CIMIP5: variants seen among roughly 807,000 people sequenced by gnomAD.
CIMIP5 encodes the protein ciliary microtubule inner protein 5, also known as uncharacterized protein C2orf50.
chr2:11,153,582 A>G, the CIMIP5 span, among the ~76,000 whole-genome samples: 2 of 152,196 alleles, frequency 1.3e-5, no homozygotes, highest in East Asian at 3.9e-4. Flanking sequence ...ATGAAAGTAA[A>G]ACACCTGGCA....
the CIMIP5 span, among the ~76,000 whole-genome samples, chr2:11,136,855 C>T: frequency 4.6e-5 from 7 of 152,054 alleles, no homozygotes; most frequent in African/African-American, 1.2e-4. Context: ...TCAGAAGAGG[C>T]GAGGATGCAG....
chr2:11,142,713 ATTTT>A, the CIMIP5 span, among the ~76,000 whole-genome samples: 5 of 104,138 alleles, frequency 4.8e-5, no homozygotes, highest in African/African-American at 1.1e-4. Flanking sequence ...CACTTGTCAG[ATTTT>A]TTTTTTTTTT....
chr2:11,133,185 C>T, the CIMIP5 span: 2 of 927,758 alleles, frequency 2.2e-6, no homozygotes, highest in Non-Finnish European at 3.0e-6. Flanking sequence ...GAGCTCGAGG[C>T]CTAAAGGGAC....
At chr2:11,139,020 C>T in the CIMIP5 span, among the ~76,000 whole-genome samples, 7 of 152,206 alleles carry the variant, frequency 4.6e-5, no homozygotes, top group South Asian at 6.2e-4. Context: ...TGGGCTCAAG[C>T]GATTCTCCTG....
At chr2:11,153,854 G>A in the CIMIP5 span, among the ~76,000 whole-genome samples, 2 of 151,476 alleles carry the variant, frequency 1.3e-5, no homozygotes, top group African/African-American at 4.9e-5. Flanking sequence ...AACCCCGGAG[G>A]TGGAGGTCGC....
the CIMIP5 span, among the ~76,000 whole-genome samples, chr2:11,149,712 A>AAATT: frequency 0.3 from 45,450 of 150,654 alleles, 7,426 homozygotes; most frequent in East Asian, 0.47. Flanking sequence ...ATCTCAAAAA[A>AAATT]AATTAATTAA....
At chr2:11,149,423 C>T in the CIMIP5 span, among the ~76,000 whole-genome samples, 2 of 152,160 alleles carry the variant, frequency 1.3e-5, no homozygotes, top group African/African-American at 4.8e-5. Flanking sequence ...ATGTCAATGT[C>T]TGCCAGGCGC....
the CIMIP5 span, chr2:11,140,376 A>C: frequency 1.4e-3 from 50 of 35,726 alleles, no homozygotes; most frequent in African/African-American, 2.9e-3. Context: ...CTCCGTCTTA[A>C]AAAAAAAAAA....
At chr2:11,153,486 AG>A in the CIMIP5 span, among the ~76,000 whole-genome samples, 1 of 152,170 alleles carries the variant, frequency 6.6e-6, no homozygotes, top group Non-Finnish European at 1.5e-5. Context: ...AAGAGGAGGG[AG>A]GGGGATTCCA....
the CIMIP5 span, among the ~76,000 whole-genome samples, chr2:11,141,422 C>G: frequency 1.3e-5 from 2 of 151,910 alleles, no homozygotes; most frequent in Admixed American, 6.6e-5. Context: ...GCCACCACAC[C>G]CAGCCCCCAC....
chr2:11,150,849 C>G, the CIMIP5 span, among the ~76,000 whole-genome samples: 22 of 151,544 alleles, frequency 1.5e-4, no homozygotes, highest in Non-Finnish European at 3.2e-4. Context: ...AGATCTTTAC[C>G]CTACTCAGGA....
At chr2:11,137,338 C>T in the CIMIP5 span, among the ~76,000 whole-genome samples, 3 of 152,032 alleles carry the variant, frequency 2.0e-5, no homozygotes, top group Non-Finnish European at 4.4e-5. Flanking sequence ...TGTGCCACTG[C>T]ACTCCAGCCT....
chr2:11,149,477 A>G, the CIMIP5 span, among the ~76,000 whole-genome samples: 1 of 152,174 alleles, frequency 6.6e-6, no homozygotes. Flanking sequence ...AGGCCGAGGT[A>G]AAAGTATCGC....
the CIMIP5 span, among the ~76,000 whole-genome samples, chr2:11,149,690 G>C: frequency 6.6e-6 from 1 of 151,286 alleles, no homozygotes; most frequent in African/African-American, 2.4e-5. Context: ...CTGGGTGACA[G>C]AATGAGACCC....
the CIMIP5 span, among the ~76,000 whole-genome samples, chr2:11,138,230 C>T: frequency 2.0e-5 from 3 of 152,252 alleles, no homozygotes; most frequent in Admixed American, 6.5e-5. Context: ...TTTGTTGGAG[C>T]ATGTGAAATC....
chr2:11,133,386 C>A, the CIMIP5 span: 211 of 1,612,324 alleles, frequency 1.3e-4, no homozygotes, highest in Non-Finnish European at 1.0e-4. Context: ...AGCTGGGTAC[C>A]GATTGCCCCC....
At chr2:11,147,995 T>A in the CIMIP5 span, among the ~76,000 whole-genome samples, 26,213 of 151,576 alleles carry the variant, frequency 0.17, 6,653 homozygotes, top group African/African-American at 0.56. Flanking sequence ...CAAAAGGAAA[T>A]GGGGGCATTA....
chr2:11,135,980 T>C, the CIMIP5 span, among the ~76,000 whole-genome samples: 1 of 152,234 alleles, frequency 6.6e-6, no homozygotes, highest in Admixed American at 6.5e-5. Context: ...TTGGGTTATT[T>C]GGTTTGGTGC....
the CIMIP5 span, among the ~76,000 whole-genome samples, chr2:11,137,744 G>A: frequency 6.6e-6 from 1 of 152,246 alleles, no homozygotes; most frequent in African/African-American, 2.4e-5. Flanking sequence ...GTGTGTTGGT[G>A]AAGGAAAAGA....
Sources: allele counts gnomAD v4.1 joint callset (sites outside exome capture counted in the v4.1 genomes callset), GRCh38; gene constraint gnomAD v4.1.1; transcripts MANE v1.5; gene names NCBI Gene and HGNC (gene_info 2026-07-23, HGNC 2026-07-21).